FLI1: variants seen among roughly 807,000 people sequenced by gnomAD.
The protein encoded by FLI1 is Friend leukemia integration 1 transcription factor.
FLI1 carries 13 observed loss-of-function variants against 53.1 expected under a neutral mutation model. The ratio of observed to expected loss-of-function variants is 0.24; its 90% confidence interval spans 0.16 to 0.39. The LOEUF (loss-of-function observed/expected upper bound fraction) is 0.39. Among genes scored for constraint, FLI1 ranks in the 10% least tolerant of loss-of-function variants. The probability of loss-of-function intolerance (pLI) is 1.00; values close to 1 mark genes in which losing one functional copy is unlikely to be tolerated. For synonymous variants in FLI1, 244 were observed against 236.7 expected, an observed-to-expected ratio of 1.03 and a Z score of -0.28; for missense variants, 424 against 600.5, an observed-to-expected ratio of 0.71 and a Z score of 3.07.
intron 1 of FLI1, among the ~76,000 whole-genome samples, chr11:128,738,185 T>A (rs571984944): frequency 1.2e-4 from 18 of 152,268 alleles, no homozygotes; most frequent in African/African-American, 4.1e-4. Context: ...CCTTATTTTA[T>A]AGAAGAAAAT....
At chr11:128,805,320 A>G (rs1942748453) in intron 5 of FLI1, 46 bp from the exon 6 acceptor site, 1 of 1,189,414 alleles carries the variant, frequency 8.4e-7, no homozygotes, top group African/African-American at 1.5e-5. Context: ...AACTTTTCTG[A>G]GAAGCAGGCG....
intron 1 of FLI1, among the ~76,000 whole-genome samples, chr11:128,745,460 G>T (rs1296297139): frequency 1.3e-5 from 2 of 152,140 alleles, no homozygotes; most frequent in Non-Finnish European, 2.9e-5. Context: ...AGCCACAAAA[G>T]AACTAAACAC....
chr11:128,759,495 G>T (rs679853), intron 2 of FLI1, among the ~76,000 whole-genome samples: 112,103 of 152,046 alleles, frequency 0.74, 41,418 homozygotes, highest in African/African-American at 0.8. Flanking sequence ...AATGAAGTTC[G>T]GAACTAAGTG....
At chr11:128,780,489 G>A (rs1173731526) in intron 4 of FLI1, among the ~76,000 whole-genome samples, 2 of 152,224 alleles carry the variant, frequency 1.3e-5, no homozygotes, top group African/African-American at 4.8e-5. Context: ...CAGCTACTGG[G>A]GAAGCTGAGG....
intron 1 of FLI1, among the ~76,000 whole-genome samples, chr11:128,697,519 G>A (rs1938135015): frequency 6.6e-6 from 1 of 151,482 alleles, no homozygotes; most frequent in South Asian, 2.1e-4. Flanking sequence ...ACCTTAGCTG[G>A]ATACACATTA....
chr11:128,729,491 A>G (rs1939610717), intron 1 of FLI1, among the ~76,000 whole-genome samples: 1 of 152,178 alleles, frequency 6.6e-6, no homozygotes, highest in Non-Finnish European at 1.5e-5. Context: ...GATGCTTTGC[A>G]TTTAAAGAGG....
At chr11:128,709,126 T>C (rs1405589194) in intron 1 of FLI1, among the ~76,000 whole-genome samples, 1 of 152,238 alleles carries the variant, frequency 6.6e-6, no homozygotes, top group Non-Finnish European at 1.5e-5. Flanking sequence ...TTCGGTCAGA[T>C]AATAACTTCT....
At chr11:128,778,477 A>G (rs961453565) in intron 4 of FLI1, among the ~76,000 whole-genome samples, 2 of 152,214 alleles carry the variant, frequency 1.3e-5, no homozygotes, top group Non-Finnish European at 2.9e-5. Context: ...GATTGAGGAC[A>G]GGTTTTGTGA....
intron 4 of FLI1, among the ~76,000 whole-genome samples, chr11:128,775,400 T>G (rs1399904972): frequency 6.6e-6 from 1 of 151,868 alleles, no homozygotes; most frequent in Non-Finnish European, 1.5e-5. Context: ...TATTGAAATA[T>G]CCTTTTGAGG....
At chr11:128,743,382 G>A (rs1315974990) in intron 1 of FLI1, among the ~76,000 whole-genome samples, 1 of 148,916 alleles carries the variant, frequency 6.7e-6, no homozygotes, top group Non-Finnish European at 1.5e-5. Flanking sequence ...TTCAGCCTGG[G>A]CAACATGGCA....
chr11:128,698,074 T>C (rs933694962), intron 1 of FLI1, among the ~76,000 whole-genome samples: 2 of 152,114 alleles, frequency 1.3e-5, no homozygotes, highest in Non-Finnish European at 2.9e-5. Flanking sequence ...CAGTCAACAA[T>C]GGACAAGCAC....
chr11:128,731,767 C>T (rs1164169409), intron 1 of FLI1, among the ~76,000 whole-genome samples: 2 of 152,076 alleles, frequency 1.3e-5, no homozygotes, highest in East Asian at 1.9e-4. Flanking sequence ...CTTTGGGAGG[C>T]GGAGGCGGGC....
At chr11:128,732,882 A>C (rs188855635) in intron 1 of FLI1, among the ~76,000 whole-genome samples, 1 of 152,342 alleles carries the variant, frequency 6.6e-6, no homozygotes, top group East Asian at 1.9e-4. Context: ...GTGGCAGAGA[A>C]AGAGAGGAAA....
At chr11:128,753,213 C>T (rs1477585341) in intron 1 of FLI1, among the ~76,000 whole-genome samples, 1 of 152,166 alleles carries the variant, frequency 6.6e-6, no homozygotes, top group Non-Finnish European at 1.5e-5. Flanking sequence ...CTAAGCCAGC[C>T]CAGGGGTTCC....
At chr11:128,759,213 G>A (rs192625363) in intron 2 of FLI1, among the ~76,000 whole-genome samples, 20 of 152,332 alleles carry the variant, frequency 1.3e-4, no homozygotes, top group Admixed American at 4.6e-4. Flanking sequence ...AATCTACTGG[G>A]CCAAAGGCAC....
chr11:128,772,533 C>T (rs1350948142), intron 3 of FLI1, among the ~76,000 whole-genome samples: 3 of 152,210 alleles, frequency 2.0e-5, no homozygotes, highest in Non-Finnish European at 4.4e-5. Flanking sequence ...CTCTCCAAAA[C>T]TTTAAAGAGT....
At chr11:128,762,867 A>C (rs1171631434) in intron 2 of FLI1, among the ~76,000 whole-genome samples, 1 of 151,948 alleles carries the variant, frequency 6.6e-6, no homozygotes, top group African/African-American at 2.4e-5. Flanking sequence ...GAGGCAGGAG[A>C]ATTGCTTGAA....
chr11:128,696,737 G>GA (rs1938096328), intron 1 of FLI1, among the ~76,000 whole-genome samples: 1 of 152,160 alleles, frequency 6.6e-6, no homozygotes, highest in Non-Finnish European at 1.5e-5. Flanking sequence ...GAACTGCCTG[G>GA]AAAAATCAGG....
chr11:128,794,465 G>A (rs1411368813), intron 5 of FLI1, among the ~76,000 whole-genome samples: 2 of 151,868 alleles, frequency 1.3e-5, no homozygotes, highest in Non-Finnish European at 2.9e-5. Context: ...TCATCTATCT[G>A]GAGAGAGAGA....
Sources: allele counts gnomAD v4.1 joint callset (sites outside exome capture counted in the v4.1 genomes callset), GRCh38; gene constraint gnomAD v4.1.1; transcripts MANE v1.5; gene names NCBI Gene and HGNC (gene_info 2026-07-23, HGNC 2026-07-21).